Variants in ITPR1 observed in about 807,000 individuals in gnomAD.
The protein encoded by ITPR1 is inositol 1,4,5-trisphosphate receptor type 1.
A neutral mutation model predicts 318.4 loss-of-function variants in ITPR1; 96 were observed. The observed-to-expected ratio is 0.30, with a 90% CI of 0.26 to 0.36. The LOEUF (loss-of-function observed/expected upper bound fraction) is 0.36. Ranked by LOEUF, ITPR1 falls within the 10% of genes least tolerant of loss-of-function variation. The probability of loss-of-function intolerance (pLI) is 1.00; values close to 1 mark genes in which losing one functional copy is unlikely to be tolerated. For missense variants in ITPR1, 2,440 were observed against 3,460.2 expected, an observed-to-expected ratio of 0.71 and a Z score of 7.40; for synonymous variants, 1,312 against 1,289.9, an observed-to-expected ratio of 1.02 and a Z score of -0.37.
intron 4 of ITPR1, among the ~76,000 whole-genome samples, chr3:4,558,434 C>T (rs2086350853): frequency 6.6e-6 from 1 of 151,906 alleles, no homozygotes; most frequent in Non-Finnish European, 1.5e-5. Context: ...GGTTATAAAA[C>T]AGTAATGCTA....
chr3:4,729,530 C>T (rs973464040), intron 42 of ITPR1, among the ~76,000 whole-genome samples: 1 of 152,132 alleles, frequency 6.6e-6, no homozygotes, highest in African/African-American at 2.4e-5. Context: ...CCTGGGAAAC[C>T]GAAAGGTCAG....
At chr3:4,760,361 G>GC (rs1188887607) in intron 44 of ITPR1, among the ~76,000 whole-genome samples, 3 of 152,218 alleles carry the variant, frequency 2.0e-5, no homozygotes, top group African/African-American at 7.2e-5. Context: ...TCAGAAGGTG[G>GC]CCCCTCTACA....
chr3:4,800,435 G>C lies in ITPR1; in HGVS notation c.6942G>C (p.Glu2314Asp), dbSNP rs768869431. Residue 2314 changes from glutamate (E) to aspartate (D), a missense_variant, in exon 54 of 62, where the codon GAG (glutamate) becomes GAC (aspartate). By Grantham distance (45) the Glu-to-Asp change is conservative. Coordinates refer to ENST00000649015, the MANE Select transcript of ITPR1 (RefSeq NM_001378452.1). ...GTTTTGTCCTTGCAGGAACCCTGGA[G>C]CCCCACTGGTCGGGACTCCTGTGGA... Reference protein sequence around the residue: ...PFKGVRGGTLEPHWSGLLWTA... With the variant: ...PFKGVRGGTLDPHWSGLLWTA... The C allele has an allele frequency of 3.1e-6, 5 of 1,613,496 alleles. No individual in the cohort carries two copies. The highest frequency in any genetic ancestry group is 2.2e-5 in the South Asian group (2 of 90,986).
rs540253239 is a variant in ITPR1, at chr3:4,494,735, TGA to T, written c.-17+235_-17+236del. Among the ~76,000 whole-genome samples, 120 of 152,234 alleles carry T rather than the reference TGA, an allele frequency of 7.9e-4. 1 individual carries two copies. Among genetic ancestry groups the T allele is most frequent in the African/African-American group, 2.8e-3 (116 of 41,546 alleles). On this transcript the variant is annotated intron_variant, in intron 2 of 61. Coordinates refer to ENST00000649015, the MANE Select transcript of ITPR1 (RefSeq NM_001378452.1). ...AGAATTGAAGGAGCCTGAAAGTTTA[TGA>T]GAGAGGAGGGGAAAAGGCCATTAAA...
At chr3:4,523,798 A>G (rs2082751332) in intron 4 of ITPR1, among the ~76,000 whole-genome samples, 1 of 152,224 alleles carries the variant, frequency 6.6e-6, no homozygotes, top group Non-Finnish European at 1.5e-5. Flanking sequence ...ATAGGACTAT[A>G]GCAGGGGAAG....
intron 40 of ITPR1, among the ~76,000 whole-genome samples, chr3:4,718,057 C>T (rs935177511): frequency 5.3e-5 from 8 of 152,150 alleles, no homozygotes; most frequent in Non-Finnish European, 8.8e-5. Flanking sequence ...GCTAGTTTCC[C>T]GTACCCAGAA....
chr3:4,505,381 C>T lies in ITPR1; in HGVS notation c.-17+10875C>T, dbSNP rs557191473. Reference sequence around the variant, plus strand: ...CTAATTTTTGTATTCTTAGTAAAGACGGGGTTTCGCCATGTTGGCCAGGAT... The same window carrying T: ...CTAATTTTTGTATTCTTAGTAAAGATGGGGTTTCGCCATGTTGGCCAGGAT... On this transcript the variant is annotated intron_variant, in intron 2 of 61. Coordinates refer to ENST00000649015, the MANE Select transcript of ITPR1 (RefSeq NM_001378452.1). 1.5e-4 allele frequency among the ~76,000 whole-genome samples: 23 copies of T among 152,240 alleles called. 1 individual carries two copies. Among genetic ancestry groups the T allele is most frequent in the East Asian group, 5.8e-4 (3 of 5,180 alleles).
At chr3:4,777,788 C>CAAA (rs34204694) in intron 48 of ITPR1, among the ~76,000 whole-genome samples, 3 of 146,312 alleles carry the variant, frequency 2.1e-5, no homozygotes, top group East Asian at 2.0e-4. Flanking sequence ...TATCTAGGAC[C>CAAA]AAAAAAAAAA....
intron 61 of ITPR1, among the ~76,000 whole-genome samples, chr3:4,838,357 C>T (rs1445379389): frequency 6.9e-6 from 1 of 145,288 alleles, no homozygotes; most frequent in Non-Finnish European, 1.5e-5. Flanking sequence ...CGCCGTGAAA[C>T]ATTTGGCAGA....
At chr3:4,522,835 G>A (rs1054103883) in intron 4 of ITPR1, among the ~76,000 whole-genome samples, 1 of 152,234 alleles carries the variant, frequency 6.6e-6, no homozygotes, top group Non-Finnish European at 1.5e-5. Context: ...GGAAGAGATT[G>A]ATACCCTCGG....
rs577485944 is a variant in ITPR1, at chr3:4,673,457, A to T, written c.2456+70A>T. ...GCAGTAGATAGCCCCATATGGTCTCATTAAATCTTAGAAGAAAGATGAAGT... is the reference window on the plus strand; with the variant it reads ...GCAGTAGATAGCCCCATATGGTCTCTTTAAATCTTAGAAGAAAGATGAAGT... On this transcript the variant is annotated intron_variant, in intron 21 of 61. Transcript: ENST00000649015. 17 of 1,351,880 alleles carry T rather than the reference A, an allele frequency of 1.3e-5. No homozygotes were observed. In the South Asian group the frequency reaches 3.2e-4, roughly 26 times the overall value. The allele number at this position is 1,351,880 out of a possible 1,614,324, so 83.7% of individuals were successfully genotyped here.
chr3:4,767,218 T>C (rs924117353), intron 45 of ITPR1, among the ~76,000 whole-genome samples: 3 of 152,252 alleles, frequency 2.0e-5, no homozygotes, highest in Non-Finnish European at 4.4e-5. Flanking sequence ...AGTTTAGAAC[T>C]GGGTTTCTCA....
intron 47 of ITPR1, among the ~76,000 whole-genome samples, chr3:4,775,721 C>A (rs1323997810): frequency 2.6e-5 from 4 of 152,156 alleles, no homozygotes; most frequent in Non-Finnish European, 4.4e-5. Context: ...AACTTGATTT[C>A]TAGGAGTAGG....
At chr3:4,805,368 G>T (rs913475517) in intron 54 of ITPR1, among the ~76,000 whole-genome samples, 1 of 152,196 alleles carries the variant, frequency 6.6e-6, no homozygotes, top group Non-Finnish European at 1.5e-5. Flanking sequence ...TCCCAAGAAA[G>T]AGCTCAGTGG....
intron 4 of ITPR1, among the ~76,000 whole-genome samples, chr3:4,573,760 C>A (rs1385833224): frequency 6.6e-6 from 1 of 152,176 alleles, no homozygotes. Flanking sequence ...TTCCAAACAG[C>A]CTTCTCTTAA....
chr3:4,513,427 C>A (rs1455296600), intron 2 of ITPR1, among the ~76,000 whole-genome samples: 1 of 152,128 alleles, frequency 6.6e-6, no homozygotes, highest in Non-Finnish European at 1.5e-5. Context: ...TCACATGAGA[C>A]CCCTGGGGAA....
chr3:4,669,644 T>G lies in ITPR1; in HGVS notation c.1887-10T>G. 6.2e-7 allele frequency: 1 copy of G among 1,608,448 alleles called. No homozygotes were observed. The highest frequency in any genetic ancestry group is 8.5e-7 in the Non-Finnish European group (1 of 1,176,684). ...TCTACAGAAAATGTTTTGTTTCTGTTTCTGTTTAGATTCTTAGATTACCTC... is the reference window on the plus strand; with the variant it reads ...TCTACAGAAAATGTTTTGTTTCTGTGTCTGTTTAGATTCTTAGATTACCTC... On this transcript the variant is annotated splice_polypyrimidine_tract_variant and intron_variant, in intron 18 of 61. Transcript: ENST00000649015.
At chr3:4,735,382 G>A (rs766822848) in intron 44 of ITPR1, 28 bp downstream of exon 44, 21 of 1,584,398 alleles carry the variant, frequency 1.3e-5, no homozygotes, top group African/African-American at 5.4e-5. Flanking sequence ...CTACTGGTAT[G>A]GCATCCCTGC....
chr3:4,843,425 C>G (rs1039495020), intron 61 of ITPR1, among the ~76,000 whole-genome samples: 2 of 152,206 alleles, frequency 1.3e-5, no homozygotes, highest in African/African-American at 4.8e-5. Flanking sequence ...AAAACCTCTT[C>G]TAGAGCAGTG....
Sources: gnomAD v4.1 joint callset for allele counts (sites outside exome capture counted in the v4.1 genomes callset) on GRCh38, gnomAD v4.1.1 for gene constraint, MANE v1.5 for transcripts, NCBI Gene and HGNC (gene_info 2026-07-23, HGNC 2026-07-21) for gene names.